SORL1: variants seen among roughly 807,000 people sequenced by gnomAD.
SORL1 encodes sortilin related receptor 1, also known as sortilin-related receptor.
A neutral mutation model predicts 273.7 loss-of-function variants in SORL1; 127 were observed. That is an observed-to-expected ratio of 0.46 (90% CI 0.40 to 0.54). The LOEUF (loss-of-function observed/expected upper bound fraction) is 0.54, where lower values mean the gene tolerates loss of function less well. SORL1 is among the 20% of genes least tolerant of loss of function. SORL1 has a pLI of 0.00. For synonymous variants in SORL1, 1,031 were observed against 1,067.4 expected, an observed-to-expected ratio of 0.97 and a Z score of 0.66; for missense variants, 2,494 against 2,846.1, an observed-to-expected ratio of 0.88 and a Z score of 2.81.
intron 37 of SORL1, 98 bp from the exon 38 acceptor site, chr11:121,608,006 G>T: frequency 9.1e-7 from 1 of 1,099,378 alleles, no homozygotes. Flanking sequence ...CAGCCTCACT[G>T]CCAAAATCTC....
At chr11:121,535,362 G>C (rs1426877175) in intron 12 of SORL1, among the ~76,000 whole-genome samples, 8 of 152,218 alleles carry the variant, frequency 5.3e-5, no homozygotes. Flanking sequence ...TTTCTGTTAG[G>C]AATCATTTCA....
chr11:121,512,182 T>G (rs542243959), intron 6 of SORL1, among the ~76,000 whole-genome samples: 91 of 152,316 alleles, frequency 6.0e-4, no homozygotes, highest in Admixed American at 1.9e-3. Flanking sequence ...ATAAAAAAAT[T>G]TGCATATATG....
intron 38 of SORL1, 99 bp downstream of exon 38, chr11:121,608,275 A>G (rs1362357953): frequency 1.7e-5 from 17 of 980,378 alleles, no homozygotes; most frequent in Non-Finnish European, 2.7e-5. Context: ...GTAGTTTAGA[A>G]AAACATCACA....
At chr11:121,464,994 G>A (rs1861061562) in intron 1 of SORL1, among the ~76,000 whole-genome samples, 1 of 152,120 alleles carries the variant, frequency 6.6e-6, no homozygotes, top group Non-Finnish European at 1.5e-5. Context: ...TTCTCTGCAG[G>A]TCCTAGAGGC....
At chr11:121,539,608 T>A (rs1862315881) in intron 12 of SORL1, among the ~76,000 whole-genome samples, 1 of 150,894 alleles carries the variant, frequency 6.6e-6, no homozygotes, top group African/African-American at 2.5e-5. Context: ...AAAATAGAAT[T>A]TTTTTTCTAT....
intron 31 of SORL1, among the ~76,000 whole-genome samples, chr11:121,591,488 T>C (rs1294414411): frequency 2.6e-5 from 4 of 152,180 alleles, no homozygotes; most frequent in African/African-American, 7.2e-5. Flanking sequence ...AAAGTACAAA[T>C]TGGAATTAAT....
chr11:121,584,464 A>G (rs567786277), intron 26 of SORL1, among the ~76,000 whole-genome samples: 5 of 152,294 alleles, frequency 3.3e-5, no homozygotes, highest in African/African-American at 1.2e-4. Context: ...TCCTTTGGCT[A>G]ATTTCCCAGA....
intron 21 of SORL1, 103 bp from the exon 22 acceptor site, chr11:121,566,837 C>A: frequency 8.8e-7 from 1 of 1,140,186 alleles, no homozygotes; most frequent in Non-Finnish European, 1.2e-6. Context: ...TTCTCGCTGT[C>A]CTTTCCGTAA....
intron 32 of SORL1, among the ~76,000 whole-genome samples, chr11:121,599,004 G>A (rs1863344465): frequency 6.6e-6 from 1 of 151,984 alleles, no homozygotes; most frequent in Non-Finnish European, 1.5e-5. Flanking sequence ...AATTTCCAAG[G>A]TAGGGTGATT....
At chr11:121,582,897 G>A (rs1293728774) in intron 25 of SORL1, among the ~76,000 whole-genome samples, 2 of 152,024 alleles carry the variant, frequency 1.3e-5, no homozygotes, top group African/African-American at 2.4e-5. Context: ...CCAGAACTTA[G>A]CAGGGCCCTT....
At chr11:121,533,001 CT>C (rs1301342226) in intron 12 of SORL1, among the ~76,000 whole-genome samples, 3 of 152,042 alleles carry the variant, frequency 2.0e-5, no homozygotes, top group African/African-American at 4.8e-5. Flanking sequence ...AACTCTTTAT[CT>C]CCCAAATGGG....
At chr11:121,589,511 G>T in intron 29 of SORL1, 121 bp downstream of exon 29, 4 of 1,199,630 alleles carry the variant, frequency 3.3e-6, no homozygotes, top group Non-Finnish European at 4.8e-6. Flanking sequence ...CTCAGCAGCA[G>T]TTGCTGCCAG....
intron 5 of SORL1, among the ~76,000 whole-genome samples, chr11:121,495,239 C>T (rs1227712432): frequency 6.6e-6 from 1 of 152,118 alleles, no homozygotes; most frequent in Non-Finnish European, 1.5e-5. Flanking sequence ...GCCAGCATAC[C>T]TGGCTAATTT....
chr11:121,584,517 T>C (rs113025964), intron 26 of SORL1, among the ~76,000 whole-genome samples: 4 of 150,126 alleles, frequency 2.7e-5, no homozygotes, highest in African/African-American at 9.7e-5. Flanking sequence ...TTCATACTTA[T>C]ACCTAATCCT....
chr11:121,476,688 T>G, intron 2 of SORL1, among the ~76,000 whole-genome samples: 1 of 150,856 alleles, frequency 6.6e-6, no homozygotes, highest in African/African-American at 2.4e-5. Context: ...TCACCTGCCC[T>G]TCCTTCCCTC....
In SORL1 at chr11:121,563,240, G is replaced by T. The variant is rs369462062; in HGVS notation, c.3049+3583G>T. 9.4e-4 allele frequency among the ~76,000 whole-genome samples: 143 copies of T among 152,330 alleles called. No homozygotes were observed. The highest frequency in any genetic ancestry group is 3.1e-3 in the African/African-American group (127 of 41,572). ...CCCGGCTCTGCTCCCTCTGTCATGTGTTGCTAGAATAGCAGTGCCCTGGTA... is the reference window on the plus strand; with the variant it reads ...CCCGGCTCTGCTCCCTCTGTCATGTTTTGCTAGAATAGCAGTGCCCTGGTA... On this transcript the variant is annotated intron_variant, in intron 21 of 47. Transcript: ENST00000260197. The surrounding 1 kb of genome is among the most constrained non-coding windows in gnomAD (Gnocchi z 4.2).
At chr11:121,524,793 A>T (rs1862095289) in intron 11 of SORL1, among the ~76,000 whole-genome samples, 1 of 152,038 alleles carries the variant, frequency 6.6e-6, no homozygotes, top group African/African-American at 2.4e-5. Flanking sequence ...AGATGAAGGC[A>T]CAGTACACTG....
intron 40 of SORL1, among the ~76,000 whole-genome samples, chr11:121,613,403 G>C (rs1234685408): frequency 1.3e-5 from 2 of 152,174 alleles, no homozygotes; most frequent in Non-Finnish European, 2.9e-5. Flanking sequence ...AGTGGCGAAA[G>C]CTGCCTGTAA....
At chr11:121,526,805 A>G (rs1862130129) in intron 11 of SORL1, among the ~76,000 whole-genome samples, 1 of 152,166 alleles carries the variant, frequency 6.6e-6, no homozygotes, top group Non-Finnish European at 1.5e-5. Context: ...TGACCTTGCT[A>G]AGGTAATTCA....
Sources: gnomAD v4.1 joint callset for allele counts (sites outside exome capture counted in the v4.1 genomes callset) on GRCh38, gnomAD v4.1.1 for gene constraint, Gnocchi (gnomAD v3.1) non-coding constraint, MANE v1.5 for transcripts, NCBI Gene and HGNC (gene_info 2026-07-23, HGNC 2026-07-21) for gene names.